The following PRDM16 variants were observed in gnomAD, a reference collection of about 807,000 sequenced individuals.
PRDM16 encodes the protein histone-lysine N-methyltransferase PRDM16.
PRDM16 carries 23 observed loss-of-function variants against 110.6 expected under a neutral mutation model. That is an observed-to-expected ratio of 0.21 (90% CI 0.15 to 0.29). The LOEUF is 0.29. Ranked by LOEUF, PRDM16 falls within the 10% of genes least tolerant of loss-of-function variation. PRDM16 has a pLI of 1.00. For missense variants in PRDM16, 1,615 were observed against 1,794.3 expected (o/e 0.90, Z 1.81); for synonymous variants, 799 against 781.8 (o/e 1.02, Z -0.37).
intron 3 of PRDM16, among the ~76,000 whole-genome samples, chr1:3,299,931 A>G (rs373643030): frequency 1.0e-3 from 53 of 51,050 alleles, no homozygotes; most frequent in South Asian, 1.9e-3. Context: ...GATCCCAGTC[A>G]TGGTGACTCT....
chr1:3,196,097 C>A (rs1638467743), intron 2 of PRDM16, among the ~76,000 whole-genome samples: 1 of 152,208 alleles, frequency 6.6e-6, no homozygotes, highest in East Asian at 1.9e-4. Flanking sequence ...GCTCAGTGAC[C>A]CCAGCAGGAG....
chr1:3,209,928 A>G lies in PRDM16; in HGVS notation c.387+23454A>G, dbSNP rs144132838. Among the ~76,000 whole-genome samples, 375 of 152,370 alleles carry G rather than the reference A, an allele frequency of 2.5e-3. 2 individuals carry two copies. The highest frequency in any genetic ancestry group is 4.0e-3 in the Non-Finnish European group (274 of 68,042). ...GGTGCACCTGTGTTAGCCCTTTCAC[A>G]GAACTCTTACTTAACATGGAAAATA... On this transcript the variant is annotated intron_variant, in intron 2 of 16. Coordinates refer to ENST00000270722, the MANE Select transcript of PRDM16 (RefSeq NM_022114.4). This position sits in a 1 kb window ranked among gnomAD's most constrained non-coding sequence, Gnocchi z 4.6.
At chr1:3,119,674 C>G (rs1643046889) in intron 1 of PRDM16, among the ~76,000 whole-genome samples, 1 of 152,174 alleles carries the variant, frequency 6.6e-6, no homozygotes, top group African/African-American at 2.4e-5. Flanking sequence ...AAATCAAGGG[C>G]CAAGGCCTCG....
rs910324689 is a variant in PRDM16 at position 3,357,208 on chromosome 1, T to C, written c.439-27944T>C. Among the ~76,000 whole-genome samples, 3 of 152,144 alleles carry C rather than the reference T, an allele frequency of 2.0e-5. No homozygotes were observed. In the East Asian group the frequency reaches 5.8e-4, roughly 29 times the overall value. On this transcript the variant is annotated intron_variant, in intron 3 of 16. Transcript: ENST00000270722. ...TCCACCTGCGGGCGGACCTGGCTCT[T>C]GGCCCCCAGGGTCTGCGTGCCTCCA...
At chr1:3,134,489 G>T (rs1327664351) in intron 1 of PRDM16, among the ~76,000 whole-genome samples, 1 of 152,100 alleles carries the variant, frequency 6.6e-6, no homozygotes, top group Non-Finnish European at 1.5e-5. Context: ...CTCCCCTCCC[G>T]CACAGCCTCT....
intron 3 of PRDM16, among the ~76,000 whole-genome samples, chr1:3,330,997 C>T (rs1167081539): frequency 6.6e-6 from 1 of 152,188 alleles, no homozygotes; most frequent in Non-Finnish European, 1.5e-5. Context: ...GGCCTGAATG[C>T]GGAGAATAGC....
Position 3,318,401 on chromosome 1 carries a change from ATTC to A in PRDM16, c.439-66748_439-66746del, listed in dbSNP as rs145467921. Among the ~76,000 whole-genome samples, 1,068 of 152,166 alleles carry A rather than the reference ATTC, an allele frequency of 7.0e-3. 35 individuals carry two copies. Among genetic ancestry groups the A allele is most frequent in the Admixed American group, 0.049 (753 of 15,284 alleles). Reference sequence around the variant, plus strand: ...TTTTTTCCATGTCATTTCTGTTGTTATTCTTATTCTTCTACAATTTAAACCAGA... The same window carrying A: ...TTTTTTCCATGTCATTTCTGTTGTTATTATTCTTCTACAATTTAAACCAGA... On this transcript the variant is annotated intron_variant, in intron 3 of 16. Coordinates refer to ENST00000270722, the MANE Select transcript of PRDM16 (RefSeq NM_022114.4).
At chr1:3,192,604 A>T (rs1638340270) in intron 2 of PRDM16, among the ~76,000 whole-genome samples, 1 of 152,100 alleles carries the variant, frequency 6.6e-6, no homozygotes, top group Admixed American at 6.5e-5. Flanking sequence ...AGCTGGACTT[A>T]GACCCCTCCG....
intron 1 of PRDM16, among the ~76,000 whole-genome samples, chr1:3,135,431 A>G (rs942267365): frequency 2.6e-5 from 4 of 152,194 alleles, no homozygotes; most frequent in Non-Finnish European, 5.9e-5. Flanking sequence ...GAGTTAAACA[A>G]TGAGCTCCGG....
At chr1:3,199,797 T>G (rs9659513) in intron 2 of PRDM16, among the ~76,000 whole-genome samples, 62,066 of 152,080 alleles carry the variant, frequency 0.41, 18,593 homozygotes, top group African/African-American at 0.82. Context: ...CCTTGATGCC[T>G]CCCACATGGA....
intron 1 of PRDM16, among the ~76,000 whole-genome samples, chr1:3,158,371 G>T (rs1643873832): frequency 6.6e-6 from 1 of 152,144 alleles, no homozygotes. Context: ...ATTTACATCT[G>T]AGGTATTTAA....
chr1:3,373,183 G>A (rs891958439), intron 3 of PRDM16, among the ~76,000 whole-genome samples: 1 of 152,106 alleles, frequency 6.6e-6, no homozygotes, highest in Non-Finnish European at 1.5e-5. Flanking sequence ...AGGGGAGCCG[G>A]CTTCTGCATG....
At chr1:3,128,380 G>A (rs1329617884) in intron 1 of PRDM16, among the ~76,000 whole-genome samples, 4 of 152,124 alleles carry the variant, frequency 2.6e-5, no homozygotes, top group East Asian at 1.9e-4. Context: ...TATAGTATTC[G>A]GGGGTTGCTT....
At chr1:3,400,972 GGGGT>G (rs1215654432) in intron 5 of PRDM16, among the ~76,000 whole-genome samples, 2 of 152,288 alleles carry the variant, frequency 1.3e-5, no homozygotes, top group Non-Finnish European at 2.9e-5. Flanking sequence ...TGGTTGGCAA[GGGGT>G]GGGTGGGTGC....
intron 3 of PRDM16, among the ~76,000 whole-genome samples, chr1:3,274,894 G>C (rs1181054391): frequency 2.6e-5 from 4 of 152,226 alleles, no homozygotes; most frequent in African/African-American, 9.6e-5. Context: ...AGCCGGCTTT[G>C]GACACATGGC....
At chr1:3,158,059 C>G (rs1364318892) in intron 1 of PRDM16, among the ~76,000 whole-genome samples, 1 of 152,218 alleles carries the variant, frequency 6.6e-6, no homozygotes, top group East Asian at 1.9e-4. Context: ...TATACTTTTT[C>G]AGTCCTGTGC....
intron 2 of PRDM16, among the ~76,000 whole-genome samples, chr1:3,197,380 C>T (rs1569825327): frequency 6.6e-6 from 1 of 152,298 alleles, no homozygotes; most frequent in Non-Finnish European, 1.5e-5. Context: ...TCGTCGTGGG[C>T]ACTCAGTCCA....
chr1:3,181,374 A>AGTCTTACG lies in PRDM16; in HGVS notation c.38-4744_38-4743insGGTCTTAC, dbSNP rs1557508919. Among the ~76,000 whole-genome samples, 46 of 21,534 alleles carry AGTCTTACG rather than the reference A, an allele frequency of 2.1e-3. 6 individuals carry two copies. The highest frequency in any genetic ancestry group is 0.042 in the Middle Eastern group (1 of 24). 14.1% of individuals were successfully genotyped at this position (21,534 alleles called of 152,430 possible). On this transcript the variant is annotated intron_variant, in intron 1 of 16. Transcript: ENST00000270722. ...GTCTTACACACGGTCTTACACACGC[A>AGTCTTACG]GTCTTACACACGGCCTTACGCATGG...
At chr1:3,414,524 T>TC in intron 9 of PRDM16, 36 bp from the exon 10 acceptor site, 1 of 1,541,430 alleles carries the variant, frequency 6.5e-7, no homozygotes, top group South Asian at 1.1e-5. Context: ...GGCGGGCGGC[T>TC]CGGTGGGGTA....
Sources: gnomAD v4.1 joint callset for allele counts (sites outside exome capture counted in the v4.1 genomes callset) on GRCh38, gnomAD v4.1.1 for gene constraint, Gnocchi (gnomAD v3.1) non-coding constraint, MANE v1.5 for transcripts, NCBI Gene and HGNC (gene_info 2026-07-23, HGNC 2026-07-21) for gene names.